RPGRIP1: variants seen among roughly 807,000 people sequenced by gnomAD.
The protein encoded by RPGRIP1 is RPGR interacting protein 1, also known as X-linked retinitis pigmentosa GTPase regulator-interacting protein 1.
RPGRIP1 carries 128 observed loss-of-function variants against 157.9 expected under a neutral mutation model. That is an observed-to-expected ratio of 0.81 (90% CI 0.70 to 0.94). The LOEUF (loss-of-function observed/expected upper bound fraction) is 0.94, where lower values mean the gene tolerates loss of function less well. Among genes scored for constraint, RPGRIP1 ranks in the 40% least tolerant of loss-of-function variants. RPGRIP1 has a pLI of 0.00. For missense variants in RPGRIP1, 1,486 were observed against 1,545.8 expected (o/e 0.96, Z 0.65); for synonymous variants, 554 against 571.6 (o/e 0.97, Z 0.44).
At chr14:21,290,182 A>G (rs907476655) in intron 2 of RPGRIP1, among the ~76,000 whole-genome samples, 1 of 152,136 alleles carries the variant, frequency 6.6e-6, no homozygotes, top group African/African-American at 2.4e-5. Flanking sequence ...CCTGGGCACA[A>G]ATCTAGATGT....
chr14:21,304,307 C>T (rs1881179262), intron 6 of RPGRIP1, among the ~76,000 whole-genome samples: 1 of 121,024 alleles, frequency 8.3e-6, no homozygotes, highest in African/African-American at 3.1e-5. Context: ...AAGAGCAAAA[C>T]TCTGTCAAAA....
At chr14:21,324,359 T>C in intron 14 of RPGRIP1, 2 of 538,930 alleles carry the variant, frequency 3.7e-6, no homozygotes, top group South Asian at 4.2e-5. Context: ...GCCCCCAGTG[T>C]TTTCCTAAGT....
At chr14:21,344,060 C>T (rs541020781) in intron 22 of RPGRIP1, among the ~76,000 whole-genome samples, 68 of 151,582 alleles carry the variant, frequency 4.5e-4, no homozygotes, top group African/African-American at 1.3e-3. Context: ...CCTGATTCAC[C>T]GGCTTTAGAC....
chr14:21,304,332 A>G (rs1881181340), intron 6 of RPGRIP1, among the ~76,000 whole-genome samples: 1 of 147,440 alleles, frequency 6.8e-6, no homozygotes, highest in South Asian at 2.2e-4. Context: ...AAAAAAGAGG[A>G]AAGAAGGAAG....
intron 22 of RPGRIP1, among the ~76,000 whole-genome samples, chr14:21,343,935 G>A (rs1594269633): frequency 9.0e-6 from 1 of 110,938 alleles, no homozygotes; most frequent in Admixed American, 1.3e-4. Flanking sequence ...TGTTGCTCAG[G>A]CTGGTTTCAA....
In RPGRIP1 at chr14:21,317,725, A is replaced by G; in HGVS notation, c.1181A>G (p.Gln394Arg). The G allele has an allele frequency of 1.9e-6, 3 of 1,588,218 alleles. No homozygotes were observed. The highest frequency in any genetic ancestry group is 2.6e-6 in the Non-Finnish European group (3 of 1,167,252). ...SMLDSSDSSS[Q>R]PHWSNELIAE... ...CTGGACAGCAGTGACAGCTCCAGTCAGCCCCACTGGAGCAACGAGCTCATA... is the reference window on the plus strand; with the variant it reads ...CTGGACAGCAGTGACAGCTCCAGTCGGCCCCACTGGAGCAACGAGCTCATA... The change falls in exon 11 of 25, where the codon CAG becomes CGG. Residue 394 changes from glutamine to arginine, a missense_variant. Coordinates refer to ENST00000400017, the MANE Select transcript of RPGRIP1 (RefSeq NM_020366.4).
chr14:21,325,619 C>CCAT (rs1882995652), intron 16 of RPGRIP1: 1 of 629,480 alleles, frequency 1.6e-6, no homozygotes, highest in South Asian at 2.1e-5. Context: ...CTTCTCTGTG[C>CCAT]CATTCTCTAA....
intron 1 of RPGRIP1, among the ~76,000 whole-genome samples, chr14:21,287,088 AAAG>A: frequency 6.6e-6 from 1 of 151,738 alleles, no homozygotes; most frequent in East Asian, 1.9e-4. Flanking sequence ...AAAAAGAAGA[AAAG>A]AAAGAGATGA....
intron 11 of RPGRIP1, chr14:21,318,317 A>ACCAT (rs1331888468): frequency 7.4e-6 from 1 of 135,748 alleles, no homozygotes; most frequent in African/African-American, 3.7e-5. Context: ...TTACCATGTT[A>ACCAT]GTTAGGCTGG....
chr14:21,323,548 A>G (rs28757752), intron 14 of RPGRIP1, among the ~76,000 whole-genome samples: 82,669 of 151,914 alleles, frequency 0.54, 22,515 homozygotes, highest in South Asian at 0.65. Flanking sequence ...GCTTTAGCTA[A>G]TAGTTCTTTG....
chr14:21,345,163 G>T lies in RPGRIP1; in HGVS notation c.3583G>T (p.Asp1195Tyr). The T allele has an allele frequency of 1.2e-6, 2 of 1,613,428 alleles. No homozygotes were observed. The highest frequency in any genetic ancestry group is 2.2e-5 in the South Asian group (2 of 91,028). Residue 1195 changes from aspartate to tyrosine, a missense_variant, in exon 23 of 25, where the codon GAC becomes TAC. Transcript: ENST00000400017. ...GCAAGGCCGAAGGCGGTTTCTGTTCGACATGCTGAATGGACAAGATCCTGA... is the reference window on the plus strand; with the variant it reads ...GCAAGGCCGAAGGCGGTTTCTGTTCTACATGCTGAATGGACAAGATCCTGA... ...EQQGRRRFLF[D>Y]MLNGQDPDQG...
intron 6 of RPGRIP1, 69 bp downstream of exon 6, chr14:21,303,612 C>G (rs1026338759): frequency 4.3e-5 from 50 of 1,175,492 alleles, no homozygotes; most frequent in Non-Finnish European, 2.5e-6. Context: ...TTATTTATAC[C>G]TTTCCTCCAT....
chr14:21,282,577 T>C (rs966361046), intron 1 of RPGRIP1, among the ~76,000 whole-genome samples: 1 of 149,854 alleles, frequency 6.7e-6, no homozygotes, highest in African/African-American at 2.5e-5. Context: ...TCAAAACAAT[T>C]GATAAACCCT....
chr14:21,342,130 G>C (rs1159900139), intron 21 of RPGRIP1, among the ~76,000 whole-genome samples: 2 of 152,094 alleles, frequency 1.3e-5, no homozygotes. Context: ...ACTTGAGTGG[G>C]CATGGGAAGC....
At chr14:21,321,732 C>A in intron 13 of RPGRIP1, 122 bp from the exon 14 acceptor site, 1 of 1,005,656 alleles carries the variant, frequency 9.9e-7, no homozygotes, top group Non-Finnish European at 1.4e-6. Flanking sequence ...AAACCTTCTT[C>A]TAGTGGGTGA....
chr14:21,324,513 C>T (rs1882836281), intron 14 of RPGRIP1, 105 bp from the exon 15 acceptor site: 2 of 946,944 alleles, frequency 2.1e-6, no homozygotes, highest in South Asian at 1.4e-5. Context: ...ATAATCACAA[C>T]TTGGACTTCC....
intron 23 of RPGRIP1, among the ~76,000 whole-genome samples, chr14:21,346,008 AG>A (rs1885531013): frequency 6.6e-6 from 1 of 151,930 alleles, no homozygotes. Flanking sequence ...TAGTAGAGAC[AG>A]GGTTTTGCCA....
At chr14:21,327,929 G>T in intron 18 of RPGRIP1, 122 bp downstream of exon 18, 2 of 739,646 alleles carry the variant, frequency 2.7e-6, no homozygotes, top group Non-Finnish European at 4.1e-6. Context: ...AGCACTTTGG[G>T]AGGCCATGGC....
chr14:21,301,853 G>C (rs1881051304), intron 4 of RPGRIP1, among the ~76,000 whole-genome samples: 1 of 151,780 alleles, frequency 6.6e-6, no homozygotes, highest in African/African-American at 2.4e-5. Context: ...ACTCCAGCCT[G>C]GGCAACAGAG....
Sources: allele counts gnomAD v4.1 joint callset (sites outside exome capture counted in the v4.1 genomes callset), GRCh38; gene constraint gnomAD v4.1.1; transcripts MANE v1.5; gene names NCBI Gene and HGNC (gene_info 2026-07-23, HGNC 2026-07-21).